Variants in LRRTM4 observed in about 807,000 individuals in gnomAD.
LRRTM4 encodes the protein leucine-rich repeat transmembrane neuronal protein 4.
Under a neutral mutation model 47.6 loss-of-function variants are expected in LRRTM4, and 25 were observed. The ratio of observed to expected loss-of-function variants is 0.53; its 90% CI spans 0.38 to 0.73. The LOEUF is 0.73. Among genes scored for constraint, LRRTM4 ranks in the 30% least tolerant of loss-of-function variants. The pLI, the probability that LRRTM4 is intolerant of heterozygous loss-of-function variation, is 0.00. For missense variants in LRRTM4, 638 were observed against 713.4 expected, an observed-to-expected ratio of 0.89 and a Z score of 1.20; for synonymous variants, 311 against 269.5, an observed-to-expected ratio of 1.15 and a Z score of -1.51.
chr2:77,333,338 G>A (rs1245653669), intron 3 of LRRTM4, among the ~76,000 whole-genome samples: 1 of 152,194 alleles, frequency 6.6e-6, no homozygotes, highest in Non-Finnish European at 1.5e-5. Context: ...GAAGAAGTCA[G>A]AAAAATGTGT....
chr2:76,994,961 T>A (rs903060966), intron 3 of LRRTM4, among the ~76,000 whole-genome samples: 2 of 151,930 alleles, frequency 1.3e-5, no homozygotes, highest in African/African-American at 4.8e-5. Context: ...TCAAACCCCT[T>A]CCTGACATTT....
At chr2:77,251,686 G>T (rs1407932934) in intron 3 of LRRTM4, among the ~76,000 whole-genome samples, 4 of 152,144 alleles carry the variant, frequency 2.6e-5, no homozygotes, top group Non-Finnish European at 5.9e-5. Flanking sequence ...CAAGGCCATG[G>T]AACTAACAGT....
chr2:76,862,641 G>A (rs182398462), intron 3 of LRRTM4, among the ~76,000 whole-genome samples: 348 of 152,166 alleles, frequency 2.3e-3, no homozygotes, highest in African/African-American at 7.7e-3. Flanking sequence ...GCGTGCGCGC[G>A]CACACACACA....
rs555221310 is a variant in LRRTM4, at chr2:77,521,742, C to G, written c.-71G>C. On this transcript the variant is annotated 5_prime_UTR_variant, in exon 2 of 4. Coordinates refer to ENST00000409884, the MANE Select transcript of LRRTM4 (RefSeq NM_001134745.3). ...TATTTGGTCTCTTGTGCGGAAACCA[C>G]CACCACCTTCATGACACAGTGCGGC... The G allele has an allele frequency of 2.2e-5, 34 of 1,556,534 alleles. No homozygotes were observed. The Admixed American group carries it at 4.9e-4, about 22-fold the overall frequency.
chr2:76,801,453 G>T (rs1364029683), intron 3 of LRRTM4, among the ~76,000 whole-genome samples: 3 of 152,026 alleles, frequency 2.0e-5, no homozygotes, highest in Non-Finnish European at 2.9e-5. Context: ...TCATAGGTGG[G>T]AATTGAACAA....
chr2:76,984,002 T>G (rs1676705082), intron 3 of LRRTM4, among the ~76,000 whole-genome samples: 1 of 152,076 alleles, frequency 6.6e-6, no homozygotes, highest in Non-Finnish European at 1.5e-5. Flanking sequence ...CAATTTCCAG[T>G]GTGACTACCT....
chr2:77,028,846 T>C (rs1296435165), intron 3 of LRRTM4, among the ~76,000 whole-genome samples: 1 of 151,410 alleles, frequency 6.6e-6, no homozygotes, highest in Non-Finnish European at 1.5e-5. Context: ...CCATCCTGGC[T>C]AACACGGTGA....
At chr2:77,109,260 A>G (rs1313146693) in intron 3 of LRRTM4, among the ~76,000 whole-genome samples, 5 of 152,232 alleles carry the variant, frequency 3.3e-5, no homozygotes, top group African/African-American at 4.8e-5. Flanking sequence ...AGGGTAAGGA[A>G]TAAGATTTTG....
intron 3 of LRRTM4, among the ~76,000 whole-genome samples, chr2:77,070,913 T>G (rs1191632866): frequency 1.3e-5 from 2 of 152,192 alleles, no homozygotes; most frequent in Non-Finnish European, 2.9e-5. Context: ...CCACTGTGCC[T>G]GGCCAAAAGT....
intron 3 of LRRTM4, among the ~76,000 whole-genome samples, chr2:77,113,469 G>C (rs1207522111): frequency 6.6e-6 from 1 of 152,208 alleles, no homozygotes; most frequent in Non-Finnish European, 1.5e-5. Context: ...GACCGGACAA[G>C]CCCATGCCTC....
At chr2:77,203,284 G>A (rs746425113) in intron 3 of LRRTM4, among the ~76,000 whole-genome samples, 9 of 151,948 alleles carry the variant, frequency 5.9e-5, no homozygotes, top group Non-Finnish European at 1.3e-4. Flanking sequence ...TCCCTAAACG[G>A]CAAAAACAAG....
At chr2:77,075,145 A>G (rs1220155414) in intron 3 of LRRTM4, among the ~76,000 whole-genome samples, 1 of 152,178 alleles carries the variant, frequency 6.6e-6, no homozygotes, top group African/African-American at 2.4e-5. Flanking sequence ...TGTTTCTGCT[A>G]ATACCTGGTA....
Position 76,780,698 on chromosome 2 carries a change from G to T in LRRTM4, c.1552-31782C>A, listed in dbSNP as rs547848130. On this transcript the variant is annotated intron_variant, in intron 3 of 3. Coordinates refer to ENST00000409884, the MANE Select transcript of LRRTM4 (RefSeq NM_001134745.3). ...AAAGTTTTCAACTTCTTTGCCTTTG[G>T]TTTCAATGTCCTCCCGTAGCTCAGA... Among the ~76,000 whole-genome samples the T allele has an allele frequency of 2.0e-3, 309 of 152,076 alleles. 5 individuals are homozygous for T. In the South Asian group the frequency reaches 0.038, roughly 19 times the overall value.
At chr2:76,813,353 A>ATGTCTCATAAGATGTCT (rs1288527284) in intron 3 of LRRTM4, among the ~76,000 whole-genome samples, 2 of 152,240 alleles carry the variant, frequency 1.3e-5, no homozygotes, top group East Asian at 3.9e-4. Flanking sequence ...CTTTCATCAA[A>ATGTCTCATAAGATGTCT]TGTCTCATAA....
chr2:77,047,918 T>C (rs1679287880), intron 3 of LRRTM4, among the ~76,000 whole-genome samples: 2 of 152,096 alleles, frequency 1.3e-5, no homozygotes, highest in Non-Finnish European at 2.9e-5. Context: ...CCAGGCTGTC[T>C]TGTGCATTGT....
intron 3 of LRRTM4, among the ~76,000 whole-genome samples, chr2:77,407,160 A>C (rs1674223410): frequency 6.6e-6 from 1 of 152,184 alleles, no homozygotes; most frequent in Admixed American, 6.5e-5. Flanking sequence ...GCTTTCTGGT[A>C]TCCATAAGGT....
intron 3 of LRRTM4, among the ~76,000 whole-genome samples, chr2:77,437,772 G>A (rs2103920360): frequency 6.6e-6 from 1 of 152,052 alleles, no homozygotes; most frequent in Admixed American, 6.6e-5. Context: ...GTTCCTTTTT[G>A]AATGTTTTTC....
intron 3 of LRRTM4, among the ~76,000 whole-genome samples, chr2:77,013,301 GAT>G (rs1343808651): frequency 7.2e-5 from 11 of 152,268 alleles, no homozygotes; most frequent in African/African-American, 2.6e-4. Flanking sequence ...GTGGTGCTGT[GAT>G]ATGTTTTGGC....
intron 3 of LRRTM4, among the ~76,000 whole-genome samples, chr2:77,405,051 A>G (rs1325936761): frequency 6.6e-6 from 1 of 152,080 alleles, no homozygotes; most frequent in African/African-American, 2.4e-5. Flanking sequence ...TTATTAAACA[A>G]TCAGCAATCA....
Sources: gnomAD v4.1 joint callset for allele counts (sites outside exome capture counted in the v4.1 genomes callset) on GRCh38, gnomAD v4.1.1 for gene constraint, MANE v1.5 for transcripts, NCBI Gene and HGNC (gene_info 2026-07-23, HGNC 2026-07-21) for gene names.